The following GCN1 variants were observed in gnomAD, a reference collection of about 807,000 sequenced individuals.
GCN1 encodes the protein stalled ribosome sensor GCN1.
A neutral mutation model predicts 288.4 loss-of-function variants in GCN1; 90 were observed. The observed-to-expected ratio is 0.31, with a 90% CI of 0.26 to 0.37. GCN1 has a LOEUF of 0.37. Among genes scored for constraint, GCN1 ranks in the 10% least tolerant of loss-of-function variants. The pLI, the probability that GCN1 is intolerant of heterozygous loss-of-function variation, is 1.00. For missense variants in GCN1, 2,586 were observed against 3,419.9 expected, an observed-to-expected ratio of 0.76 and a Z score of 6.08; for synonymous variants, 1,386 against 1,420.2, an observed-to-expected ratio of 0.98 and a Z score of 0.54.
rs1239646785 is a variant in GCN1, at chr12:120,163,136, C to T, written c.1972G>A (p.Gly658Ser). ...AGTTGTTCAGTGTCGGTGACATCAC[C>T]CTTGAGCCCTGGCACACCGGAGATG... is the stretch of plus-strand genomic sequence containing the variant. ...CVISGVPGLK[G>S]DVTDTEQLAQ... Residue 658 changes from glycine to serine, a missense_variant, in exon 19 of 58, where the codon GGT becomes AGT. By Grantham distance (56) the Gly-to-Ser change is moderately conservative. This residue lies in a region of GCN1 where 913 missense variants were observed against 1,107.0 expected (regional missense o/e 0.82). Transcript: ENST00000300648. 6.2e-7 allele frequency: 1 copy of T among 1,614,228 alleles called. No individual in the cohort carries two copies. Among genetic ancestry groups the T allele is most frequent in the African/African-American group, 1.3e-5 (1 of 75,062 alleles).
At position 120,155,473 on chromosome 12, in the gene GCN1, C is replaced by T. The variant is rs1210717858; in HGVS notation, c.3441-43G>A. On this transcript the variant is annotated intron_variant, in intron 29 of 57. Transcript: ENST00000300648. The surrounding 1 kb of genome is among the most constrained non-coding windows in gnomAD (Gnocchi z 4.9). ...CAGGGGCTGCTTAGACAAAGATCTG[C>T]AGCACTTGCCCTGCCAGCCCAGCCC... The T allele has an allele frequency of 6.2e-7, 1 of 1,604,714 alleles. No individual in the cohort carries two copies. The highest frequency in any genetic ancestry group is 8.5e-7 in the Non-Finnish European group (1 of 1,172,924).
intron 47 of GCN1, 127 bp downstream of exon 47, chr12:120,138,196 T>G (rs1877074926): frequency 1.1e-6 from 1 of 928,396 alleles, no homozygotes; most frequent in African/African-American, 1.6e-5. Context: ...GGGAAGGATG[T>G]AATGCTTGCA....
intron 1 of GCN1, among the ~76,000 whole-genome samples, chr12:120,192,404 A>C (rs1290718418): frequency 6.6e-6 from 1 of 152,168 alleles, no homozygotes; most frequent in East Asian, 1.9e-4. Context: ...CAAATACAGA[A>C]TTCTAGGTTG....
At chr12:120,133,355 C>A (rs1237837539) in intron 53 of GCN1, among the ~76,000 whole-genome samples, 5 of 152,226 alleles carry the variant, frequency 3.3e-5, no homozygotes, top group Non-Finnish European at 5.9e-5. Context: ...CAACTCCCTA[C>A]TGGCCCCACA....
At chr12:120,185,605 C>T (rs1026755004) in intron 2 of GCN1, among the ~76,000 whole-genome samples, 3 of 152,138 alleles carry the variant, frequency 2.0e-5, no homozygotes, top group Admixed American at 6.6e-5. Context: ...AAGGCCCCCC[C>T]GCCTTTTATT....
chr12:120,164,828 A>T, intron 16 of GCN1, 107 bp from the exon 17 acceptor site: 1 of 678,390 alleles, frequency 1.5e-6, no homozygotes, highest in Admixed American at 2.9e-5. Flanking sequence ...ACACCAAAAT[A>T]TAAATGTGAT....
intron 14 of GCN1, among the ~76,000 whole-genome samples, chr12:120,172,922 T>C (rs1878355651): frequency 6.6e-6 from 1 of 152,194 alleles, no homozygotes. Context: ...ACCAAGCTCC[T>C]ATACAGATTT....
chr12:120,150,360 G>T (rs1393578393), intron 34 of GCN1, among the ~76,000 whole-genome samples: 1 of 152,090 alleles, frequency 6.6e-6, no homozygotes, highest in Non-Finnish European at 1.5e-5. Context: ...ACTTTGGGAG[G>T]CTGAGGCAGG....
chr12:120,155,911 G>C lies in GCN1; in HGVS notation c.3313-192C>G, dbSNP rs893071318. Among the ~76,000 whole-genome samples, 1 of 152,080 alleles carries C rather than the reference G, an allele frequency of 6.6e-6. No homozygotes were observed. Among genetic ancestry groups the C allele is most frequent in the African/African-American group, 2.4e-5 (1 of 41,378 alleles). Reference sequence around the variant, plus strand: ...AGGTGGTAAAATGTTTTTTTAATGTGAAAATTAAAACGTTAAATAAACCAG... The same window carrying C: ...AGGTGGTAAAATGTTTTTTTAATGTCAAAATTAAAACGTTAAATAAACCAG... On this transcript the variant is annotated intron_variant, in intron 28 of 57. Coordinates refer to ENST00000300648, the MANE Select transcript of GCN1 (RefSeq NM_006836.2). This position sits in a 1 kb window ranked among gnomAD's most constrained non-coding sequence, Gnocchi z 4.9.
Position 120,174,043 on chromosome 12 carries a change from G to C in GCN1, c.1192+28C>G, listed in dbSNP as rs370402688. ...CCACGGTCAAGGATGAGTACAGAAC[G>C]CATGCTCACCATGTTGCACAGAATT... On this transcript the variant is annotated intron_variant, in intron 13 of 57. Transcript: ENST00000300648. The C allele has an allele frequency of 2.3e-6, 3 of 1,325,502 alleles. No homozygotes were observed. In the African/African-American group the frequency reaches 4.3e-5, roughly 19 times the overall value. The allele number at this position is 1,325,502 out of a possible 1,614,324, so 82.1% of individuals were successfully genotyped here.
At chr12:120,175,361 A>G in intron 11 of GCN1, 149 bp from the exon 12 acceptor site, 2 of 739,240 alleles carry the variant, frequency 2.7e-6, no homozygotes, top group Non-Finnish European at 4.6e-6. Context: ...AGCAACTTTT[A>G]CTAGCCTTTT....
In GCN1 at chr12:120,135,394, C is replaced by T. The variant is rs563521546; in HGVS notation, c.7009-668G>A. Among the ~76,000 whole-genome samples, 4 of 151,530 alleles carry T rather than the reference C, an allele frequency of 2.6e-5. No homozygotes were observed. The South Asian group carries it at 6.2e-4, about 24-fold the overall frequency. On this transcript the variant is annotated intron_variant, in intron 51 of 57. Transcript: ENST00000300648. ...TTGTTTTTTTTTTGAGACGGAGTTT[C>T]GCTCTTGTTGCCCAGGCTGGAGTGC...
intron 2 of GCN1, among the ~76,000 whole-genome samples, chr12:120,187,298 C>T (rs917680434): frequency 4.0e-5 from 6 of 151,670 alleles, no homozygotes; most frequent in African/African-American, 7.3e-5. Flanking sequence ...CTGCAACCTC[C>T]GCCTCCCAGG....
intron 16 of GCN1, among the ~76,000 whole-genome samples, chr12:120,167,391 T>C (rs1385535542): frequency 6.7e-6 from 1 of 150,252 alleles, no homozygotes; most frequent in African/African-American, 2.4e-5. Flanking sequence ...AAGTTCATTA[T>C]ATACTGATAT....
intron 2 of GCN1, among the ~76,000 whole-genome samples, chr12:120,185,471 C>T (rs1295661462): frequency 6.6e-6 from 1 of 152,152 alleles, no homozygotes; most frequent in African/African-American, 2.4e-5. Flanking sequence ...CTATTCAGAA[C>T]ACATGAAGAA....
At position 120,153,486 on chromosome 12, in the gene GCN1, C is replaced by G; in HGVS notation, c.3868-79G>C. ...GGACAACAGTCCCTGCCCTGAGGAC[C>G]AAGACCAAGTCTAGCTCTGGGACAG... On this transcript the variant is annotated intron_variant, in intron 32 of 57. Transcript: ENST00000300648. The surrounding 1 kb of genome is among the most constrained non-coding windows in gnomAD (Gnocchi z 4.4). 4.6e-6 allele frequency: 6 copies of G among 1,304,868 alleles called. No individual in the cohort carries two copies. The highest frequency in any genetic ancestry group is 6.4e-6 in the Non-Finnish European group (6 of 935,620). The allele number at this position is 1,304,868 out of a possible 1,614,324, so 80.8% of individuals were successfully genotyped here. A position where few individuals can be genotyped will look rare whatever the true frequency, so the allele number is the denominator to read the frequency against.
chr12:120,175,176 A>G lies in GCN1; in HGVS notation c.1079T>C (p.Met360Thr). The change falls in exon 12 of 58, where the codon ATG becomes ACG. Residue 360 changes from methionine to threonine, a missense_variant. This residue lies in a region of GCN1 where 913 missense variants were observed against 1,107.0 expected (regional missense o/e 0.82). Coordinates refer to ENST00000300648, the MANE Select transcript of GCN1 (RefSeq NM_006836.2). Reference sequence around the variant, plus strand: ...AAATCCTATACCTGAGAGGACGCTCATCTTCTGGGCTACAACAGTTAGTTT... The same window carrying G: ...AAATCCTATACCTGAGAGGACGCTCGTCTTCTGGGCTACAACAGTTAGTTT... The part of the protein sequence containing the change: ...EGKLTVVAQK[M>T]SVLSGIGSVS... 6.2e-7 allele frequency: 1 copy of G among 1,609,640 alleles called. No individual in the cohort carries two copies. The highest frequency in any genetic ancestry group is 8.5e-7 in the Non-Finnish European group (1 of 1,177,206).
intron 14 of GCN1, among the ~76,000 whole-genome samples, chr12:120,171,090 G>A (rs570252804): frequency 6.8e-5 from 10 of 147,062 alleles, no homozygotes; most frequent in Non-Finnish European, 1.0e-4. Context: ...GCAGTGAGCC[G>A]AGATTGTGCC....
Position 120,153,134 on chromosome 12 carries a change from C to A in GCN1, c.4062+79G>T. The A allele has an allele frequency of 8.1e-7, 1 of 1,235,644 alleles. No individual in the cohort carries two copies. Among genetic ancestry groups the A allele is most frequent in the South Asian group, 1.4e-5 (1 of 73,986 alleles). 76.5% of individuals were successfully genotyped at this position (1,235,644 alleles called of 1,614,324 possible). On this transcript the variant is annotated intron_variant, in intron 33 of 57. Transcript: ENST00000300648. This position sits in a 1 kb window ranked among gnomAD's most constrained non-coding sequence, Gnocchi z 4.4. Reference sequence around the variant, plus strand: ...AGGGCCCTGATTGTCCAACTCCACCCCTAGTATCCCACCGCCTAACCACAG... The same window carrying A: ...AGGGCCCTGATTGTCCAACTCCACCACTAGTATCCCACCGCCTAACCACAG...
Sources: gnomAD v4.1 joint callset for allele counts (sites outside exome capture counted in the v4.1 genomes callset) on GRCh38, gnomAD v4.1.1 for gene constraint, gnomAD v4.1.1 regional missense constraint, Gnocchi (gnomAD v3.1) non-coding constraint, MANE v1.5 for transcripts, NCBI Gene and HGNC (gene_info 2026-07-23, HGNC 2026-07-21) for gene names.